Variants in DNAJC10 observed in about 807,000 individuals in gnomAD.
The protein encoded by DNAJC10 is endoplasmic reticulum disulfide reductase DNAJC10.
In DNAJC10, 101 loss-of-function variants were observed where a neutral mutation model predicts 115.0. The ratio of observed to expected loss-of-function variants is 0.88; its 90% CI spans 0.75 to 1.04. The LOEUF is 1.04. Ranked by LOEUF, DNAJC10 falls within the 50% of genes least tolerant of loss-of-function variation. The probability of loss-of-function intolerance (pLI) is 0.00; values close to 1 mark genes in which losing one functional copy is unlikely to be tolerated. For synonymous variants in DNAJC10, 307 were observed against 301.5 expected (o/e 1.02, Z -0.19); for missense variants, 981 against 928.8 (o/e 1.06, Z -0.73).
rs536953847 is a variant in DNAJC10 at position 182,781,194 on chromosome 2, A to G, written c.*4062A>G. 2 of 151,738 alleles carry G rather than the reference A, an allele frequency of 1.3e-5. No homozygotes were observed. The highest frequency in any genetic ancestry group is 2.1e-4 in the South Asian group (1 of 4,800). 9.4% of individuals were successfully genotyped at this position (151,738 alleles called of 1,614,324 possible). A position where few individuals can be genotyped will look rare whatever the true frequency, so the allele number is the denominator to read the frequency against. ...CATATGTTCTCATTGTTCAACTCCC[A>G]CTTACGAGTGACAACATGTGGTGTT... On this transcript the variant is annotated 3_prime_UTR_variant, in exon 24 of 24. Coordinates refer to ENST00000264065, the MANE Select transcript of DNAJC10 (RefSeq NM_018981.4).
intron 22 of DNAJC10, among the ~76,000 whole-genome samples, chr2:182,763,409 T>C (rs544310679): frequency 6.6e-6 from 1 of 152,262 alleles, no homozygotes; most frequent in East Asian, 1.9e-4. Context: ...CAATTCCAGC[T>C]GAACGGGGGC....
intron 18 of DNAJC10, among the ~76,000 whole-genome samples, chr2:182,757,321 G>T (rs1322408703): frequency 6.6e-6 from 1 of 152,126 alleles, no homozygotes; most frequent in Non-Finnish European, 1.5e-5. Context: ...GTTCAGGTGT[G>T]AGTCAGTATA....
At chr2:182,744,163 T>C (rs1000585625) in intron 14 of DNAJC10, among the ~76,000 whole-genome samples, 6 of 152,240 alleles carry the variant, frequency 3.9e-5, no homozygotes, top group African/African-American at 1.2e-4. Flanking sequence ...TTTGGGACTT[T>C]AGCTCTGCAT....
Position 182,728,939 on chromosome 2 carries a change from G to A in DNAJC10, c.578G>A (p.Cys193Tyr). 6.2e-7 allele frequency: 1 copy of A among 1,613,996 alleles called. No individual in the cohort carries two copies. The highest frequency in any genetic ancestry group is 8.5e-7 in the Non-Finnish European group (1 of 1,179,954). Residue 193 changes from cysteine to tyrosine, a missense_variant, in exon 7 of 24, where the codon TGC (cysteine) becomes TAC (tyrosine). Cys to Tyr is a radical substitution (Grantham distance 194). Transcript: ENST00000264065. ...AVNCGDDRML[C>Y]RMKGVNSYPS... Reference sequence around the variant, plus strand: ...AACTGTGGTGATGATAGAATGCTTTGCCGAATGAAAGGAGTCAACAGCTAT... The same window carrying A: ...AACTGTGGTGATGATAGAATGCTTTACCGAATGAAAGGAGTCAACAGCTAT...
At position 182,718,116 on chromosome 2, in the gene DNAJC10, T is replaced by C. The variant is rs191725153; in HGVS notation, c.30T>C (p.Tyr10=). 81 of 1,611,606 alleles carry C rather than the reference T, an allele frequency of 5.0e-5. No individual in the cohort carries two copies. In the South Asian group the frequency reaches 6.3e-4, roughly 13 times the overall value. MGVWLNKDD[Y]IRDLKRIILC... ...GAGTCTGGTTAAATAAAGATGACTA[T>C]ATCAGAGACTTGAAAAGGATCATTC... The change falls in exon 3 of 24, where the codon TAT becomes TAC. Residue 10 remains tyrosine (Y), a synonymous_variant. Transcript: ENST00000264065.
At chr2:182,720,406 T>G (rs1004696304) in intron 4 of DNAJC10, among the ~76,000 whole-genome samples, 5 of 152,192 alleles carry the variant, frequency 3.3e-5, no homozygotes, top group Non-Finnish European at 7.4e-5. Context: ...GATTGCTATT[T>G]AATAAAAAAT....
At chr2:182,752,006 C>G (rs1694033294) in intron 15 of DNAJC10, 66 bp from the exon 16 acceptor site, 1 of 1,340,720 alleles carries the variant, frequency 7.5e-7, no homozygotes, top group Non-Finnish European at 1.1e-6. Flanking sequence ...TTACTTGTTG[C>G]AGAAATGATG....
intron 14 of DNAJC10, among the ~76,000 whole-genome samples, chr2:182,744,023 C>T (rs1263566213): frequency 2.0e-5 from 3 of 152,204 alleles, no homozygotes; most frequent in African/African-American, 7.2e-5. Context: ...TCCAGCTTGC[C>T]ATGTGTATCA....
At chr2:182,734,101 A>G (rs200494125) in intron 10 of DNAJC10, among the ~76,000 whole-genome samples, 1 of 105,164 alleles carries the variant, frequency 9.5e-6, no homozygotes, top group Non-Finnish European at 2.0e-5. Context: ...TTTTTTTTTT[A>G]CTGCCAGTTT....
At chr2:182,745,169 C>G (rs769189910) in intron 14 of DNAJC10, among the ~76,000 whole-genome samples, 1 of 152,212 alleles carries the variant, frequency 6.6e-6, no homozygotes, top group Admixed American at 6.5e-5. Context: ...GCTCACTGCT[C>G]TATCTCCAGC....
intron 22 of DNAJC10, among the ~76,000 whole-genome samples, chr2:182,771,869 A>T (rs1173137552): frequency 3.9e-5 from 6 of 151,910 alleles, no homozygotes; most frequent in Non-Finnish European, 8.8e-5. Context: ...TAGCTTTTGA[A>T]TTTGTTTGCT....
chr2:182,746,779 G>A (rs1231247159), intron 14 of DNAJC10, among the ~76,000 whole-genome samples: 2 of 151,882 alleles, frequency 1.3e-5, no homozygotes, highest in Non-Finnish European at 2.9e-5. Context: ...CATTGCTTTT[G>A]TTGTTTTAGA....
chr2:182,726,769 AC>A (rs978227819), intron 5 of DNAJC10, among the ~76,000 whole-genome samples: 1 of 152,172 alleles, frequency 6.6e-6, no homozygotes, highest in African/African-American at 2.4e-5. Context: ...TTGGTTTGTC[AC>A]CCCACCTGGA....
chr2:182,756,337 CT>C lies in DNAJC10; in HGVS notation c.1678del (p.Ser560ProfsTer10). On this transcript the variant is annotated frameshift_variant, in exon 18 of 24. Coordinates refer to ENST00000264065, the MANE Select transcript of DNAJC10 (RefSeq NM_018981.4). LOFTEE classifies it high-confidence loss of function. ...IEDLMNPSVV[S>X]LTPTTFNELV... Reference sequence around the variant, plus strand: ...AGGATCTTATGAATCCTTCAGTGGTCTCCCTTACACCCACCACCTTCAACGA... The same window carrying C: ...AGGATCTTATGAATCCTTCAGTGGTCCCCTTACACCCACCACCTTCAACGA... 2 of 1,611,186 alleles carry C rather than the reference CT, an allele frequency of 1.2e-6. No homozygotes were observed. Among genetic ancestry groups the C allele is most frequent in the Non-Finnish European group, 1.7e-6 (2 of 1,178,564 alleles).
At chr2:182,721,721 T>A (rs1384041496) in intron 4 of DNAJC10, among the ~76,000 whole-genome samples, 4 of 152,080 alleles carry the variant, frequency 2.6e-5, no homozygotes, top group Non-Finnish European at 5.9e-5. Context: ...CCTTCCTGAA[T>A]CTGTAATTAT....
At chr2:182,759,091 A>G (rs766170223) in intron 20 of DNAJC10, 69 bp from the exon 21 acceptor site, 9 of 1,341,172 alleles carry the variant, frequency 6.7e-6, no homozygotes, top group African/African-American at 3.0e-5. Flanking sequence ...AAGTATTACA[A>G]TATTATTGCA....
At chr2:182,764,118 T>C (rs1475864993) in intron 22 of DNAJC10, among the ~76,000 whole-genome samples, 2 of 152,158 alleles carry the variant, frequency 1.3e-5, no homozygotes, top group African/African-American at 2.4e-5. Context: ...TATTGGGAGC[T>C]ATTATATGGC....
chr2:182,737,809 C>G (rs1208374275), intron 11 of DNAJC10, among the ~76,000 whole-genome samples: 1 of 152,178 alleles, frequency 6.6e-6, no homozygotes, highest in Admixed American at 6.5e-5. Context: ...TTATTCAAGC[C>G]AAATGCCCTG....
At chr2:182,732,412 A>C in intron 9 of DNAJC10, 87 bp from the exon 10 acceptor site, 3 of 1,267,592 alleles carry the variant, frequency 2.4e-6, no homozygotes, top group Non-Finnish European at 3.5e-6. Flanking sequence ...TCGAATGAAC[A>C]TGGTAATTTG....
Sources: allele counts gnomAD v4.1 joint callset (sites outside exome capture counted in the v4.1 genomes callset), GRCh38; gene constraint gnomAD v4.1.1; transcripts MANE v1.5; gene names NCBI Gene and HGNC (gene_info 2026-07-23, HGNC 2026-07-21).